Variants in LTN1 observed in about 807,000 individuals in gnomAD.
The protein encoded by LTN1 is E3 ubiquitin-protein ligase listerin.
A neutral mutation model predicts 201.2 loss-of-function variants in LTN1; 88 were observed. The observed-to-expected ratio is 0.44, with a 90% CI of 0.37 to 0.52. LTN1 has a LOEUF of 0.52. LTN1 is among the 20% of genes least tolerant of loss of function. The pLI is 0.00. For missense variants in LTN1, 1,752 were observed against 2,038.7 expected (o/e 0.86, Z 2.71); for synonymous variants, 645 against 713.5 (o/e 0.90, Z 1.53).
intron 6 of LTN1, among the ~76,000 whole-genome samples, chr21:28,978,480 G>A (rs1445011352): frequency 6.6e-6 from 1 of 152,134 alleles, no homozygotes; most frequent in Non-Finnish European, 1.5e-5. Context: ...AAATGAAAAG[G>A]TAGATTATTG....
chr21:28,969,133 A>C (rs1298533920), intron 9 of LTN1, among the ~76,000 whole-genome samples: 3 of 151,846 alleles, frequency 2.0e-5, no homozygotes, highest in African/African-American at 7.2e-5. Flanking sequence ...AGGCAGGAGA[A>C]TAGCTTGAAC....
chr21:28,954,075 AAAC>A (rs1480427131), intron 16 of LTN1, among the ~76,000 whole-genome samples: 1 of 152,234 alleles, frequency 6.6e-6, no homozygotes, highest in Non-Finnish European at 1.5e-5. Flanking sequence ...ATGGTAACAA[AAAC>A]AACAATAATA....
At chr21:28,934,535 G>A (rs939811436) in intron 27 of LTN1, among the ~76,000 whole-genome samples, 1 of 152,152 alleles carries the variant, frequency 6.6e-6, no homozygotes, top group Non-Finnish European at 1.5e-5. Flanking sequence ...CTGGCCATGT[G>A]AAGTGCTGAC....
At position 28,966,523 on chromosome 21, in the gene LTN1, ATTT is replaced by A; in HGVS notation, c.1965_1967del (p.Lys655del). On this transcript the variant is annotated inframe_deletion, in exon 10 of 30. Coordinates refer to ENST00000361371, the MANE Select transcript of LTN1 (RefSeq NM_015565.3). ...TCTGGTATAAAAACTGCACCGCAGGATTTTTTTGTACAAGCTTGGCTATTTCAA... is the reference window on the plus strand; with the variant it reads ...TCTGGTATAAAAACTGCACCGCAGGATTTTGTACAAGCTTGGCTATTTCAA... The A allele has an allele frequency of 6.2e-7, 1 of 1,614,060 alleles. No individual in the cohort carries two copies. Among genetic ancestry groups the A allele is most frequent in the Non-Finnish European group, 8.5e-7 (1 of 1,179,992 alleles).
intron 26 of LTN1, 31 bp from the exon 27 acceptor site, chr21:28,935,360 CAT>C (rs2084246711): frequency 7.7e-7 from 1 of 1,299,492 alleles, no homozygotes; most frequent in African/African-American, 1.5e-5. Flanking sequence ...TGATTAGTAA[CAT>C]ATATTTCTTA....
intron 13 of LTN1, among the ~76,000 whole-genome samples, chr21:28,959,073 A>T (rs1251209915): frequency 6.6e-6 from 1 of 152,230 alleles, no homozygotes; most frequent in Non-Finnish European, 1.5e-5. Context: ...GATAATTTCA[A>T]TTCTATTTTG....
At chr21:28,937,103 T>C (rs2084262808) in intron 25 of LTN1, among the ~76,000 whole-genome samples, 1 of 152,188 alleles carries the variant, frequency 6.6e-6, no homozygotes, top group African/African-American at 2.4e-5. Context: ...CAAAATGTCA[T>C]GGGGGTCTTC....
intron 6 of LTN1, among the ~76,000 whole-genome samples, chr21:28,977,546 A>C (rs950325933): frequency 1.3e-5 from 2 of 151,324 alleles, no homozygotes; most frequent in East Asian, 3.9e-4. Flanking sequence ...AACATGGTGA[A>C]ACTCCATTTC....
chr21:28,948,270 C>CTTT (rs869195177), intron 18 of LTN1, among the ~76,000 whole-genome samples: 36 of 126,646 alleles, frequency 2.8e-4, no homozygotes, highest in Non-Finnish European at 4.9e-4. Flanking sequence ...TCTTTTCTTT[C>CTTT]TTTTTTTTTT....
At chr21:28,990,268 T>C (rs2084734478) in intron 1 of LTN1, among the ~76,000 whole-genome samples, 1 of 152,180 alleles carries the variant, frequency 6.6e-6, no homozygotes, top group Non-Finnish European at 1.5e-5. Context: ...ATACCTGACA[T>C]CCAGTATCAG....
At position 28,969,570 on chromosome 21, in the gene LTN1, A is replaced by G; in HGVS notation, c.1207T>C (p.Leu403=). ...GCAGATATTACTGCCGAGGACTCTA[A>G]AGAGCTGGTTTTAGTTCTCTCTGTT... The part of the protein sequence containing the change: ...LSTERTKTSS[L]ESSAVISAFF... The change falls in exon 9 of 30, where the codon TTA becomes CTA. Residue 403 remains leucine (L), a synonymous_variant. Transcript: ENST00000361371. The G allele has an allele frequency of 6.2e-7, 1 of 1,608,568 alleles. No individual in the cohort carries two copies. Among genetic ancestry groups the G allele is most frequent in the Non-Finnish European group, 8.5e-7 (1 of 1,177,706 alleles).
chr21:28,959,608 T>C lies in LTN1; in HGVS notation c.2443A>G (p.Ser815Gly), dbSNP rs1463321727. Reference protein sequence around the residue: ...FKTKKLSEAESSDSSVSFICD... With the variant: ...FKTKKLSEAEGSDSSVSFICD... ...ATAAAAGACACTGATGAGTCACTGC[T>C]TTCAGCTTCTGATAATTTCTTTGTT... is the stretch of plus-strand genomic sequence containing the variant. Residue 815 changes from serine to glycine, a missense_variant, in exon 13 of 30, where the codon AGC becomes GGC. Coordinates refer to ENST00000361371, the MANE Select transcript of LTN1 (RefSeq NM_015565.3). The C allele has an allele frequency of 6.2e-7, 1 of 1,613,972 alleles. No individual in the cohort carries two copies. The highest frequency in any genetic ancestry group is 8.5e-7 in the Non-Finnish European group (1 of 1,179,990).
chr21:28,953,487 A>C (rs2084400364), intron 16 of LTN1, 111 bp from the exon 17 acceptor site: 1 of 644,918 alleles, frequency 1.6e-6, no homozygotes, highest in Admixed American at 3.4e-5. Context: ...CTCATCTCAA[A>C]ACTCCTATGA....
chr21:28,988,666 T>C (rs1366743523), intron 1 of LTN1, among the ~76,000 whole-genome samples: 1 of 151,320 alleles, frequency 6.6e-6, no homozygotes, highest in Non-Finnish European at 1.5e-5. Context: ...TAAGTGAAAG[T>C]AAGTTTATTA....
chr21:28,950,014 T>G (rs752557894), intron 18 of LTN1, among the ~76,000 whole-genome samples: 16 of 152,176 alleles, frequency 1.1e-4, no homozygotes, highest in Non-Finnish European at 1.8e-4. Flanking sequence ...CAATAATATA[T>G]GTTATATTTG....
rs1448947443 is a variant in LTN1, at chr21:28,936,529, T to C, written c.4651A>G (p.Arg1551Gly). ...CATAAACACATATCTTACTGACCTC[T>C]AATACTCAGCTGGAGCTCCTCAGTA... Reference protein sequence around the residue: ...FFTEELQLSIRETTMLPYHIP... With the variant: ...FFTEELQLSIGETTMLPYHIP... The change falls in exon 26 of 30, where the codon AGA (arginine) becomes GGA (glycine). Residue 1551 changes from arginine to glycine, a missense_variant. Physicochemically the swap from Arg to Gly is moderately radical, Grantham distance 125. This residue lies in a region of LTN1 where 261 missense variants were observed against 350.1 expected (regional missense o/e 0.75). Coordinates refer to ENST00000361371, the MANE Select transcript of LTN1 (RefSeq NM_015565.3). 2.5e-6 allele frequency: 4 copies of C among 1,611,374 alleles called. No homozygotes were observed. The Admixed American group carries it at 6.7e-5, about 27-fold the overall frequency.
chr21:28,981,020 T>C (rs2084654245), intron 6 of LTN1, 99 bp downstream of exon 6: 13 of 639,632 alleles, frequency 2.0e-5, no homozygotes, highest in Non-Finnish European at 2.7e-5. Flanking sequence ...CAGATGTGCT[T>C]GCAGAGTTCT....
In LTN1 at chr21:28,966,367, T is replaced by A. The variant is rs1412676798; in HGVS notation, c.2121+3A>T. ...AGTTTGAAAAGATATACAACAGGAATACCTTGGTTAGATCATCCAAGACTT... is the reference window on the plus strand; with the variant it reads ...AGTTTGAAAAGATATACAACAGGAAAACCTTGGTTAGATCATCCAAGACTT... On this transcript the variant is annotated splice_donor_region_variant and intron_variant, in intron 10 of 29. Transcript: ENST00000361371. 6.3e-7 allele frequency: 1 copy of A among 1,588,624 alleles called. No homozygotes were observed. Among genetic ancestry groups the A allele is most frequent in the East Asian group, 2.2e-5 (1 of 44,726 alleles).
At chr21:28,937,435 G>A (rs2084265374) in intron 25 of LTN1, among the ~76,000 whole-genome samples, 1 of 151,990 alleles carries the variant, frequency 6.6e-6, no homozygotes, top group African/African-American at 2.4e-5. Context: ...AGATATTTAT[G>A]GGGCATATGA....
Sources: allele counts gnomAD v4.1 joint callset (sites outside exome capture counted in the v4.1 genomes callset), GRCh38; gene constraint gnomAD v4.1.1; regional missense constraint gnomAD v4.1.1; transcripts MANE v1.5; gene names NCBI Gene and HGNC (gene_info 2026-07-23, HGNC 2026-07-21).